The following SMYD3 variants were observed in gnomAD, a reference collection of about 807,000 sequenced individuals.
SMYD3 encodes histone-lysine N-methyltransferase SMYD3.
In SMYD3, 36 loss-of-function variants were observed where a neutral mutation model predicts 57.7. The ratio of observed to expected loss-of-function variants is 0.62; its 90% CI spans 0.48 to 0.82. The LOEUF (loss-of-function observed/expected upper bound fraction) is 0.82. SMYD3 is among the 40% of genes least tolerant of loss of function. The probability of loss-of-function intolerance (pLI) is 0.00; values close to 1 mark genes in which losing one functional copy is unlikely to be tolerated. For missense variants in SMYD3, 515 were observed against 538.8 expected (o/e 0.96, Z 0.44); for synonymous variants, 211 against 195.0 (o/e 1.08, Z -0.68).
chr1:246,431,648 C>T (rs1029620472), intron 1 of SMYD3, among the ~76,000 whole-genome samples: 8 of 152,204 alleles, frequency 5.3e-5, no homozygotes, highest in African/African-American at 1.9e-4. Context: ...AGCAGAATCG[C>T]TTGAACCCAG....
chr1:246,273,324 AT>A (rs2064264724), intron 5 of SMYD3, among the ~76,000 whole-genome samples: 1 of 149,946 alleles, frequency 6.7e-6, no homozygotes. Context: ...TAATTTTTGT[AT>A]TTTTGGTAAA....
intron 5 of SMYD3, among the ~76,000 whole-genome samples, chr1:246,240,454 C>A (rs2063589133): frequency 6.6e-6 from 1 of 152,120 alleles, no homozygotes; most frequent in South Asian, 2.1e-4. Context: ...ATCTATATCT[C>A]TGTTTTGGTA....
chr1:245,949,108 T>A (rs1212656897), intron 5 of SMYD3, among the ~76,000 whole-genome samples: 3 of 152,082 alleles, frequency 2.0e-5, no homozygotes, highest in Non-Finnish European at 4.4e-5. Context: ...AGCCAGGGGA[T>A]CCTCCTGCCA....
At chr1:245,797,144 G>C (rs926362451) in intron 10 of SMYD3, among the ~76,000 whole-genome samples, 2 of 152,128 alleles carry the variant, frequency 1.3e-5, no homozygotes, top group Admixed American at 6.5e-5. Flanking sequence ...GGGATTTGGT[G>C]AATGTTTTCC....
At chr1:246,001,618 T>C (rs753928023) in intron 5 of SMYD3, among the ~76,000 whole-genome samples, 23 of 152,134 alleles carry the variant, frequency 1.5e-4, no homozygotes, top group Non-Finnish European at 2.9e-4. Flanking sequence ...GAAACAATAA[T>C]AATCCTATAC....
intron 5 of SMYD3, among the ~76,000 whole-genome samples, chr1:246,239,959 T>C (rs2063579389): frequency 6.6e-6 from 1 of 152,192 alleles, no homozygotes. Flanking sequence ...TTTGTAAATT[T>C]GTTTAAGTTC....
At chr1:245,926,506 C>G (rs2056384129) in intron 7 of SMYD3, among the ~76,000 whole-genome samples, 1 of 152,098 alleles carries the variant, frequency 6.6e-6, no homozygotes, top group African/African-American at 2.4e-5. Flanking sequence ...GTGGAAATGT[C>G]TCGTATTTGG....
chr1:246,227,529 C>A (rs2063346968), intron 5 of SMYD3, among the ~76,000 whole-genome samples: 1 of 152,038 alleles, frequency 6.6e-6, no homozygotes, highest in Non-Finnish European at 1.5e-5. Flanking sequence ...GCAGGAGAAT[C>A]ACTTGAACGT....
intron 5 of SMYD3, among the ~76,000 whole-genome samples, chr1:246,116,758 A>C (rs2148008548): frequency 6.6e-6 from 1 of 152,366 alleles, no homozygotes; most frequent in African/African-American, 2.4e-5. Context: ...ACAGAAAAAT[A>C]GTATTGCTTT....
At chr1:246,236,115 C>T (rs2063508914) in intron 5 of SMYD3, among the ~76,000 whole-genome samples, 1 of 151,886 alleles carries the variant, frequency 6.6e-6, no homozygotes, top group South Asian at 2.1e-4. Flanking sequence ...TAACCAAATC[C>T]CTAAAAAGTA....
chr1:246,070,424 C>T (rs1046132580), intron 5 of SMYD3, among the ~76,000 whole-genome samples: 2 of 152,184 alleles, frequency 1.3e-5, no homozygotes, highest in Non-Finnish European at 2.9e-5. Flanking sequence ...ATACACGTAT[C>T]CATCTCAAAA....
chr1:246,180,070 G>A (rs1026872974), intron 5 of SMYD3, among the ~76,000 whole-genome samples: 5 of 151,862 alleles, frequency 3.3e-5, no homozygotes, highest in East Asian at 1.9e-4. Context: ...CACTTTGGGA[G>A]GTCAAGGCAG....
chr1:246,099,237 T>C (rs1011455725), intron 5 of SMYD3, among the ~76,000 whole-genome samples: 13 of 152,220 alleles, frequency 8.5e-5, no homozygotes, highest in African/African-American at 3.1e-4. Flanking sequence ...CATGGCCGGC[T>C]GTGAATAAAC....
intron 5 of SMYD3, among the ~76,000 whole-genome samples, chr1:246,064,277 C>T (rs974064336): frequency 7.9e-5 from 12 of 152,290 alleles, no homozygotes; most frequent in African/African-American, 2.9e-4. Context: ...TAGTGGAAAA[C>T]AGGGCCTTTT....
chr1:246,153,973 T>C (rs2061982512), intron 5 of SMYD3, among the ~76,000 whole-genome samples: 1 of 152,232 alleles, frequency 6.6e-6, no homozygotes, highest in Non-Finnish European at 1.5e-5. Flanking sequence ...GGGTGGGTTC[T>C]AATGACCTCT....
At chr1:245,825,078 GC>G (rs2049407778) in intron 10 of SMYD3, among the ~76,000 whole-genome samples, 1 of 152,084 alleles carries the variant, frequency 6.6e-6, no homozygotes, top group Non-Finnish European at 1.5e-5. Flanking sequence ...CTCGCCAAGA[GC>G]TCAGCAGGAA....
chr1:245,782,516 A>G lies in SMYD3; in HGVS notation c.1077-18367T>C, dbSNP rs2046873989. On this transcript the variant is annotated intron_variant, in intron 10 of 11. Transcript: ENST00000490107. ...GAAGTGGCAAAACCATGTGGGTTTGACTTGATGGTCCTGAGAAGCTGCTGG... is the reference window on the plus strand; with the variant it reads ...GAAGTGGCAAAACCATGTGGGTTTGGCTTGATGGTCCTGAGAAGCTGCTGG... Among the ~76,000 whole-genome samples, 3 of 152,230 alleles carry G rather than the reference A, an allele frequency of 2.0e-5. No individual in the cohort carries two copies. The South Asian group carries it at 6.2e-4, about 32-fold the overall frequency.
At chr1:246,463,352 G>C (rs1452173195) in intron 1 of SMYD3, among the ~76,000 whole-genome samples, 2 of 152,140 alleles carry the variant, frequency 1.3e-5, no homozygotes, top group Non-Finnish European at 2.9e-5. Flanking sequence ...ACAGGTCAGG[G>C]AGAGGGAGAG....
intron 5 of SMYD3, among the ~76,000 whole-genome samples, chr1:246,201,169 C>T (rs933804257): frequency 2.6e-5 from 4 of 152,184 alleles, no homozygotes; most frequent in African/African-American, 4.8e-5. Context: ...TAATAATCTG[C>T]TCATCCCTAC....
Sources: gnomAD v4.1 joint callset for allele counts (sites outside exome capture counted in the v4.1 genomes callset) on GRCh38, gnomAD v4.1.1 for gene constraint, MANE v1.5 for transcripts, NCBI Gene and HGNC (gene_info 2026-07-23, HGNC 2026-07-21) for gene names.